The following CD300C variants were observed in gnomAD, a reference collection of about 807,000 sequenced individuals.
CD300C encodes the protein CD300c molecule.
Under a neutral mutation model 18.4 loss-of-function variants are expected in CD300C, and 11 were observed. That is an observed-to-expected ratio of 0.60 (90% confidence interval 0.38 to 0.99). The LOEUF (loss-of-function observed/expected upper bound fraction) is 0.99, where lower values mean the gene tolerates loss of function less well. Ranked by LOEUF, CD300C falls within the 50% of genes least tolerant of loss-of-function variation. The pLI, the probability that CD300C is intolerant of heterozygous loss-of-function variation, is 0.01. For synonymous variants in CD300C, 116 were observed against 116.3 expected (o/e 1.00, Z 0.02); for missense variants, 277 against 287.4 (o/e 0.96, Z 0.26).
Position 74,544,224 on chromosome 17 carries a change from TC to T in CD300C, c.400+384del, listed in dbSNP as rs1458334538. On this transcript the variant is annotated intron_variant, in intron 2 of 3. Coordinates refer to ENST00000330793, the MANE Select transcript of CD300C (RefSeq NM_006678.5). The stretch of plus-strand genomic sequence containing the variant: ...GACAGTGGGCACCCTTCAGTATGGA[TC>T]CGGCCCTTGTCAATACAGGGAGGTA... 2.0e-5 allele frequency among the ~76,000 whole-genome samples: 3 copies of T among 152,120 alleles called. No individual in the cohort carries two copies. The East Asian group carries it at 5.8e-4, about 30-fold the overall frequency.
At chr17:74,540,018 T>A (rs1908494525), downstream of CD300C, among the ~76,000 whole-genome samples, 1 of 152,212 alleles carries the variant, frequency 6.6e-6, no homozygotes, top group Non-Finnish European at 1.5e-5. Context: ...TTCAGAAAAC[T>A]TAATTGTCTG....
chr17:74,544,911 C>G lies in CD300C; in HGVS notation c.98G>C (p.Gly33Ala), dbSNP rs754411918. ...FPLSHPMTVA[G>A]PVGGSLSVQC... ...CACACTCAGGGATCCCCCCACGGGG[C>G]CCGCCACGGTCATGGGGTGGCTCAG... Residue 33 changes from glycine (G) to alanine (A), a missense_variant, in exon 2 of 4, where the codon GGC becomes GCC. Coordinates refer to ENST00000330793, the MANE Select transcript of CD300C (RefSeq NM_006678.5). 35 of 1,613,432 alleles carry G rather than the reference C, an allele frequency of 2.2e-5. No individual in the cohort carries two copies. Among genetic ancestry groups the G allele is most frequent in the Non-Finnish European group, 3.0e-5 (35 of 1,179,638 alleles).
downstream of CD300C, chr17:74,541,009 A>G (rs748806282): frequency 6.6e-5 from 10 of 152,460 alleles, no homozygotes; most frequent in Admixed American, 2.0e-4. Context: ...GAGGCCTAAC[A>G]TGGGGCTTGG....
rs1405022465 is a variant in CD300C, at chr17:74,541,548, G to A, written c.*41C>T. ...CAGGAGGTCATTCCAGTCCCCCAGA[G>A]GGGCTCTGTTGCAGCACAGGGCCTT... is the stretch of plus-strand genomic sequence containing the variant. On this transcript the variant is annotated 3_prime_UTR_variant, in exon 4 of 4. Coordinates refer to ENST00000330793, the MANE Select transcript of CD300C (RefSeq NM_006678.5). 6.4e-6 allele frequency: 9 copies of A among 1,413,718 alleles called. No homozygotes were observed. The highest frequency in any genetic ancestry group is 9.0e-6 in the Non-Finnish European group (9 of 997,744). The allele number at this position is 1,413,718 out of a possible 1,614,324, so 87.6% of individuals were successfully genotyped here.
intron 3 of CD300C, among the ~76,000 whole-genome samples, chr17:74,542,494 T>C (rs1276716171): frequency 5.3e-5 from 8 of 152,250 alleles, no homozygotes. Context: ...AACCCTCTTC[T>C]GATCATCGTC....
In CD300C at chr17:74,541,714, A is replaced by G; in HGVS notation, c.550T>C (p.Phe184Leu). 6.2e-7 allele frequency: 1 copy of G among 1,613,844 alleles called. No homozygotes were observed. Among genetic ancestry groups the G allele is most frequent in the Non-Finnish European group, 8.5e-7 (1 of 1,179,786 alleles). Residue 184 changes from phenylalanine (F) to leucine (L), a missense_variant, in exon 4 of 4, where the codon TTC becomes CTC. Physicochemically the swap from Phe to Leu is conservative, Grantham distance 22 (BLOSUM62 0). Transcript: ENST00000330793. The stretch of plus-strand genomic sequence containing the variant: ...AGCTCCAAGAGGACCAGGAGCAGGA[A>G]GCGGACATTGCTGAACAGGGAGCTG... ...HPGSLFSNVR[F>L]LLLVLLELPL...
At chr17:74,539,996 G>A (rs1908493952), downstream of CD300C, among the ~76,000 whole-genome samples, 1 of 152,210 alleles carries the variant, frequency 6.6e-6, no homozygotes, top group Non-Finnish European at 1.5e-5. Flanking sequence ...ACTCTCTCGA[G>A]TCTTACCTGC....
chr17:74,542,163 G>T (rs1021420291), intron 3 of CD300C, among the ~76,000 whole-genome samples: 1 of 152,128 alleles, frequency 6.6e-6, no homozygotes, highest in Admixed American at 6.5e-5. Flanking sequence ...CTGCCTACCC[G>T]GAGTCTCCAA....
chr17:74,543,601 G>A (rs1220193243), intron 2 of CD300C, among the ~76,000 whole-genome samples: 1 of 152,180 alleles, frequency 6.6e-6, no homozygotes, highest in Non-Finnish European at 1.5e-5. Context: ...CCTCTCCCTG[G>A]CGCCCTCAGG....
chr17:74,535,052 T>A, the CD300C span, among the ~76,000 whole-genome samples: 271 of 152,346 alleles, frequency 1.8e-3, 5 homozygotes, highest in Admixed American at 0.015. Flanking sequence ...ATTGATTATC[T>A]ACATATAAAA....
Position 74,542,941 on chromosome 17 carries a change from T to A in CD300C, c.447A>T (p.Ser149=). Residue 149 remains serine (S), a synonymous_variant, in exon 3 of 4, where the codon TCA becomes TCT. Transcript: ENST00000330793. ...GCACGGGCAGCTTCGTGGGAGGACC[T>A]GAGGTGCCCATGGAGCTCTGGGGGC... ...ASSPQSSMGT[S]GPPTKLPVHT... The A allele has an allele frequency of 1.2e-6, 2 of 1,613,450 alleles. No homozygotes were observed. The highest frequency in any genetic ancestry group is 8.5e-7 in the Non-Finnish European group (1 of 1,180,004).
chr17:74,536,532 C>CAAAA (rs376317178), downstream of CD300C, among the ~76,000 whole-genome samples: 5 of 109,134 alleles, frequency 4.6e-5, no homozygotes, highest in African/African-American at 1.0e-4. Flanking sequence ...GACTCCGTCT[C>CAAAA]AAAAAAAAAA....
chr17:74,539,664 G>A (rs538889987), downstream of CD300C, among the ~76,000 whole-genome samples: 116 of 152,248 alleles, frequency 7.6e-4, no homozygotes, highest in African/African-American at 2.7e-3. Context: ...GGTTCACCTC[G>A]GTGCTGCCAC....
Position 74,544,618 on chromosome 17 carries a change from C to A in CD300C, c.391G>T (p.Val131Leu), listed in dbSNP as rs565275112. The change falls in exon 2 of 4, where the codon GTG (valine) becomes TTG (leucine). Residue 131 changes from valine (V) to leucine (L), a missense_variant. By Grantham distance (32) the Val-to-Leu change is conservative. Coordinates refer to ENST00000330793, the MANE Select transcript of CD300C (RefSeq NM_006678.5). ...HDPIVEVEVS[V>L]FPAGTTTASS... ...AAAAGGAGGGGCTCACCCGGGAACA[C>A]GGACACCTCAACCTCGACAATGGGA... 4.8e-5 allele frequency: 77 copies of A among 1,609,498 alleles called. 1 individual carries two copies. The South Asian group carries it at 4.8e-4, about 10-fold the overall frequency.
downstream of CD300C, among the ~76,000 whole-genome samples, chr17:74,538,683 G>A (rs768700256): frequency 1.6e-4 from 24 of 152,208 alleles, no homozygotes; most frequent in Non-Finnish European, 2.6e-4. Context: ...AGCCCTTTGT[G>A]TGCAGGAGCA....
chr17:74,545,434 G>A (rs1025602177), intron 1 of CD300C, among the ~76,000 whole-genome samples: 6 of 152,118 alleles, frequency 3.9e-5, no homozygotes, highest in South Asian at 4.2e-4. Context: ...GTGTGTGATC[G>A]TCCCAGATAA....
intron 3 of CD300C, 108 bp from the exon 4 acceptor site, chr17:74,541,844 C>T: frequency 8.4e-7 from 1 of 1,196,390 alleles, no homozygotes; most frequent in Non-Finnish European, 1.2e-6. Context: ...CAGCCAACCA[C>T]ATAAGCACCC....
chr17:74,543,099 A>C, intron 2 of CD300C, 112 bp from the exon 3 acceptor site: 6 of 1,407,616 alleles, frequency 4.3e-6, no homozygotes, highest in Non-Finnish European at 5.9e-6. Context: ...TGCTGGACAG[A>C]TGCCCTGCAT....
chr17:74,535,400 C>T, the CD300C span, among the ~76,000 whole-genome samples: 9 of 140,994 alleles, frequency 6.4e-5, no homozygotes, highest in African/African-American at 1.3e-4. Flanking sequence ...AACCAGAAGG[C>T]GGAGGTTGCA....
Sources: allele counts gnomAD v4.1 joint callset (sites outside exome capture counted in the v4.1 genomes callset), GRCh38; gene constraint gnomAD v4.1.1; transcripts MANE v1.5; gene names NCBI Gene and HGNC (gene_info 2026-07-23, HGNC 2026-07-21).